Variants in DAB1 observed in about 807,000 individuals in gnomAD.
The protein encoded by DAB1 is disabled homolog 1.
In DAB1, 15 loss-of-function variants were observed where a neutral mutation model predicts 64.6. The ratio of observed to expected loss-of-function variants is 0.23; its 90% CI spans 0.16 to 0.36. DAB1 has a LOEUF of 0.36. DAB1 is among the 10% of genes least tolerant of loss of function. The probability of loss-of-function intolerance (pLI) is 1.00; values close to 1 mark genes in which losing one functional copy is unlikely to be tolerated. For synonymous variants in DAB1, 235 were observed against 251.9 expected (o/e 0.93, Z 0.64); for missense variants, 596 against 706.7 (o/e 0.84, Z 1.78).
intron 5 of DAB1, among the ~76,000 whole-genome samples, chr1:58,007,034 A>G (rs1489546915): frequency 6.6e-6 from 1 of 152,134 alleles, no homozygotes; most frequent in East Asian, 1.9e-4. Context: ...GTTAGCAGCC[A>G]CCATCACAGC....
Position 58,308,529 on chromosome 1 carries a change from T to C in DAB1, n.309+34823A>G, listed in dbSNP as rs146739816. ...AAGCACCTGTCCCTCCCCTACAGGC[T>C]TAAGTAAGTCCTCAGCTCCCAGAAT... is the stretch of plus-strand genomic sequence containing the variant. On this transcript the variant is annotated intron_variant and non_coding_transcript_variant, in intron 4 of 20. Transcript: ENST00000485760. 3.9e-5 allele frequency among the ~76,000 whole-genome samples: 6 copies of C among 152,114 alleles called. No homozygotes were observed. In the East Asian group the frequency reaches 1.2e-3, roughly 29 times the overall value.
intron 1 of DAB1, among the ~76,000 whole-genome samples, chr1:57,341,102 T>C (rs1677542012): frequency 6.6e-6 from 1 of 152,170 alleles, no homozygotes; most frequent in South Asian, 2.1e-4. Flanking sequence ...GACGAGGACA[T>C]TGGAACCCAA....
In DAB1 at chr1:57,015,034, G is replaced by A. The variant is rs139347835; in HGVS notation, c.1293C>T (p.Pro431=). Residue 431 remains proline (P), a synonymous_variant, in exon 12 of 15, where the codon CCC becomes CCT. Transcript: ENST00000371236. The part of the protein sequence containing the change: ...AQPPPVPSRK[P]DQPSLTCTSE... Reference sequence around the variant, plus strand: ...AGGTACAGGTGAGGGAGGGCTGGTCGGGTTTGCGGGAGGGCACGGGCGGAG... The same window carrying A: ...AGGTACAGGTGAGGGAGGGCTGGTCAGGTTTGCGGGAGGGCACGGGCGGAG... 66 of 1,613,806 alleles carry A rather than the reference G, an allele frequency of 4.1e-5. No homozygotes were observed. The highest frequency in any genetic ancestry group is 8.0e-5 in the African/African-American group (6 of 74,886).
intron 9 of DAB1, among the ~76,000 whole-genome samples, chr1:57,026,841 T>C (rs113245615): frequency 2.0e-5 from 3 of 152,126 alleles, no homozygotes; most frequent in African/African-American, 7.2e-5. Context: ...AAGAAACCCT[T>C]TAAGATACAC....
chr1:57,646,810 C>T (rs909431244), intron 7 of DAB1, among the ~76,000 whole-genome samples: 4 of 152,104 alleles, frequency 2.6e-5, no homozygotes, highest in South Asian at 2.1e-4. Context: ...TGTAACAGGC[C>T]GAGTGTGTTT....
At chr1:58,004,323 G>A (rs1205417433) in intron 5 of DAB1, among the ~76,000 whole-genome samples, 2 of 152,218 alleles carry the variant, frequency 1.3e-5, no homozygotes, top group Non-Finnish European at 2.9e-5. Flanking sequence ...GTTGGTGGCA[G>A]AGCTATTTAA....
intron 1 of DAB1, among the ~76,000 whole-genome samples, chr1:57,835,955 C>G (rs61342595): frequency 6.6e-5 from 10 of 152,092 alleles, no homozygotes; most frequent in Admixed American, 6.5e-5. Context: ...GGGTCAAAGC[C>G]CCGAGGCAAA....
chr1:58,058,050 T>C (rs990587625), intron 5 of DAB1, among the ~76,000 whole-genome samples: 1 of 152,124 alleles, frequency 6.6e-6, no homozygotes, highest in Non-Finnish European at 1.5e-5. Flanking sequence ...GCAACACTGT[T>C]ATATGACTGG....
intron 2 of DAB1, among the ~76,000 whole-genome samples, chr1:57,235,899 A>G (rs1668053797): frequency 6.6e-6 from 1 of 152,202 alleles, no homozygotes; most frequent in Non-Finnish European, 1.5e-5. Context: ...GGTCCACTCC[A>G]TTAGGAGCAT....
intron 3 of DAB1, among the ~76,000 whole-genome samples, chr1:58,382,913 C>A (rs1644402367): frequency 1.3e-5 from 2 of 152,190 alleles, no homozygotes; most frequent in Admixed American, 1.3e-4. Context: ...TCACACTCCT[C>A]TCCCAGCATT....
chr1:57,943,392 G>T (rs1159031558), intron 5 of DAB1, among the ~76,000 whole-genome samples: 3 of 152,206 alleles, frequency 2.0e-5, no homozygotes, highest in Non-Finnish European at 4.4e-5. Context: ...GCTCATGTGT[G>T]TTACATGGCA....
intron 1 of DAB1, among the ~76,000 whole-genome samples, chr1:57,399,896 T>C (rs1295969685): frequency 6.6e-6 from 1 of 152,226 alleles, no homozygotes; most frequent in East Asian, 1.9e-4. Flanking sequence ...ATCTAAGGCA[T>C]TGGGAGCCAG....
intron 4 of DAB1, among the ~76,000 whole-genome samples, chr1:58,166,576 G>A (rs1387394444): frequency 6.6e-6 from 1 of 151,966 alleles, no homozygotes; most frequent in East Asian, 1.9e-4. Context: ...CCACTTCCTT[G>A]GATACTATCA....
Position 58,431,722 on chromosome 1 carries a change from C to T in DAB1, n.257+74338G>A, listed in dbSNP as rs141511755. Among the ~76,000 whole-genome samples the T allele has an allele frequency of 1.5e-3, 221 of 152,172 alleles. 2 individuals carry two copies. Among genetic ancestry groups the T allele is most frequent in the African/African-American group, 5.0e-3 (207 of 41,514 alleles). On this transcript the variant is annotated intron_variant and non_coding_transcript_variant, in intron 3 of 20. Coordinates refer to the DAB1 transcript ENST00000485760. ...CTATGCTGTTGTTTAACAGTTAGCTCCCTTCTTCTTCCCTTTTTTTTTCTT... is the reference window on the plus strand; with the variant it reads ...CTATGCTGTTGTTTAACAGTTAGCTTCCTTCTTCTTCCCTTTTTTTTTCTT...
chr1:57,416,831 A>T (rs1392162359), intron 1 of DAB1, among the ~76,000 whole-genome samples: 1 of 152,198 alleles, frequency 6.6e-6, no homozygotes, highest in Non-Finnish European at 1.5e-5. Flanking sequence ...GTTAAAAGGG[A>T]CAGCTATATT....
At chr1:58,042,559 G>T (rs925611185) in intron 5 of DAB1, among the ~76,000 whole-genome samples, 1 of 152,268 alleles carries the variant, frequency 6.6e-6, no homozygotes, top group South Asian at 2.1e-4. Flanking sequence ...TATGCATGGC[G>T]CATTGAAAAC....
intron 14 of DAB1, 128 bp downstream of exon 14, chr1:57,010,552 A>G (rs1001023992): frequency 2.0e-6 from 1 of 495,332 alleles, no homozygotes; most frequent in Admixed American, 3.2e-5. Flanking sequence ...TGGTGCAAAC[A>G]TCAGCAATAC....
At chr1:58,529,792 C>T (rs1646405269) in intron 1 of DAB1, among the ~76,000 whole-genome samples, 1 of 152,136 alleles carries the variant, frequency 6.6e-6, no homozygotes, top group Non-Finnish European at 1.5e-5. Context: ...ATTTACATAG[C>T]ATTTACATTG....
intron 2 of DAB1, among the ~76,000 whole-genome samples, chr1:57,167,414 C>G (rs912639265): frequency 2.0e-5 from 3 of 152,148 alleles, no homozygotes; most frequent in African/African-American, 7.2e-5. Context: ...GCTTCTACGA[C>G]TATCTTGGTT....
Sources: gnomAD v4.1 joint callset for allele counts (sites outside exome capture counted in the v4.1 genomes callset) on GRCh38, gnomAD v4.1.1 for gene constraint, MANE v1.5 for transcripts, NCBI Gene and HGNC (gene_info 2026-07-23, HGNC 2026-07-21) for gene names.